The following STPG2 variants were observed in gnomAD, a reference collection of about 807,000 sequenced individuals.
The protein encoded by STPG2 is sperm tail PG-rich repeat containing 2.
STPG2 carries 56 observed loss-of-function variants against 54.2 expected under a neutral mutation model. The ratio of observed to expected loss-of-function variants is 1.03; its 90% CI spans 0.83 to 1.29. STPG2 has a LOEUF of 1.29. Among genes scored for constraint, STPG2 ranks in the 50% most tolerant of loss-of-function variants. STPG2 has a pLI of 0.00. For missense variants in STPG2, 596 were observed against 544.9 expected (o/e 1.09, Z -0.93); for synonymous variants, 200 against 181.8 (o/e 1.10, Z -0.81).
intron 5 of STPG2, among the ~76,000 whole-genome samples, chr4:98,032,174 A>G (rs1736619031): frequency 6.6e-6 from 1 of 152,200 alleles, no homozygotes; most frequent in African/African-American, 2.4e-5. Context: ...TTAAAGAACT[A>G]AAAGTAGTTC....
chr4:97,709,164 T>C (rs556896305), intron 10 of STPG2, among the ~76,000 whole-genome samples: 1 of 151,958 alleles, frequency 6.6e-6, no homozygotes, highest in African/African-American at 2.4e-5. Context: ...AATTAATTAG[T>C]ACTATCACAT....
chr4:97,449,198 T>A (rs1729304397), intron 4 of STPG2, among the ~76,000 whole-genome samples: 1 of 152,064 alleles, frequency 6.6e-6, no homozygotes, highest in African/African-American at 2.4e-5. Context: ...AAATTTCTTT[T>A]AAAAAAAGCA....
intron 8 of STPG2, among the ~76,000 whole-genome samples, chr4:97,859,616 C>G (rs1729450789): frequency 6.6e-6 from 1 of 152,032 alleles, no homozygotes; most frequent in Non-Finnish European, 1.5e-5. Context: ...AGGCACGTGC[C>G]ACCATGCCTA....
At chr4:98,058,953 C>A (rs1737561216) in intron 5 of STPG2, among the ~76,000 whole-genome samples, 2 of 141,472 alleles carry the variant, frequency 1.4e-5, no homozygotes, top group African/African-American at 2.6e-5. Context: ...AATGCAAGAT[C>A]AAATCAACCA....
Position 97,712,775 on chromosome 4 carries a change from G to C in STPG2, c.1244C>G (p.Pro415Arg). The change falls in exon 10 of 11, where the codon CCC (proline) becomes CGC (arginine). Residue 415 changes from proline (P) to arginine (R), a missense_variant. By Grantham distance (103) the Pro-to-Arg change is moderately radical. Coordinates refer to ENST00000295268, the MANE Select transcript of STPG2 (RefSeq NM_174952.3). The part of the protein sequence containing the change: ...AYNPVLRKSC[P>R]IPLFVKASKR... ...TGATGCTTTCACAAATAAGGGTATG[G>C]GGCAAGATTTCCTTAAAACAGGATT... The C allele has an allele frequency of 6.2e-7, 1 of 1,607,924 alleles. No individual in the cohort carries two copies. The highest frequency in any genetic ancestry group is 8.5e-7 in the Non-Finnish European group (1 of 1,176,308).
At chr4:97,758,739 A>G (rs1725804194) in intron 9 of STPG2, among the ~76,000 whole-genome samples, 1 of 152,140 alleles carries the variant, frequency 6.6e-6, no homozygotes, top group African/African-American at 2.4e-5. Flanking sequence ...ATGTAAACCT[A>G]TGTAAGAAAC....
At position 97,813,677 on chromosome 4, in the gene STPG2, T is replaced by TAAAAAAA. The variant is rs869298230; in HGVS notation, c.1204+27089_1204+27095dup. 1.2e-3 allele frequency among the ~76,000 whole-genome samples: 54 copies of TAAAAAAA among 45,940 alleles called. 1 individual carries two copies. The highest frequency in any genetic ancestry group is 1.8e-3 in the African/African-American group (23 of 12,700). The allele number at this position is 45,940 out of a possible 152,430, so 30.1% of individuals were successfully genotyped here. A position where few individuals can be genotyped will look rare whatever the true frequency, so the allele number is the denominator to read the frequency against. On this transcript the variant is annotated intron_variant, in intron 9 of 10. Transcript: ENST00000295268. ...GGCAGCATAGCAAGACCCTGTCTCT[T>TAAAAAAA]AAAAAAAAAAAAAAAAAAAAAAAAA... is the stretch of plus-strand genomic sequence containing the variant.
chr4:97,704,401 T>A (rs776414412), intron 10 of STPG2, among the ~76,000 whole-genome samples: 3 of 152,152 alleles, frequency 2.0e-5, no homozygotes, highest in Non-Finnish European at 4.4e-5. Context: ...GAGAAGCTCA[T>A]ACCTCTGACA....
At chr4:98,029,640 G>C (rs1240952954) in intron 5 of STPG2, among the ~76,000 whole-genome samples, 1 of 152,138 alleles carries the variant, frequency 6.6e-6, no homozygotes, top group Non-Finnish European at 1.5e-5. Context: ...ATCTGCAGAA[G>C]AGGACATAGA....
chr4:97,929,701 T>C (rs1231268982), intron 8 of STPG2, among the ~76,000 whole-genome samples: 4 of 152,218 alleles, frequency 2.6e-5, no homozygotes, highest in Non-Finnish European at 4.4e-5. Context: ...GTTCATGTCC[T>C]TTGCCCACTT....
In STPG2 at chr4:97,851,444, C is replaced by T. The variant is rs149040693; in HGVS notation, c.1045-10512G>A. ...CACTATGCCTTGAAAGTATTTTCAA[C>T]CCATACAATGCTTAAATTTACCTCA... is the stretch of plus-strand genomic sequence containing the variant. On this transcript the variant is annotated intron_variant, in intron 8 of 10. Coordinates refer to ENST00000295268, the MANE Select transcript of STPG2 (RefSeq NM_174952.3). Among the ~76,000 whole-genome samples the T allele has an allele frequency of 5.7e-3, 862 of 152,230 alleles. 5 individuals are homozygous for T. The highest frequency in any genetic ancestry group is 0.02 in the Middle Eastern group (6 of 294).
intron 10 of STPG2, among the ~76,000 whole-genome samples, chr4:97,663,232 T>C (rs1722425966): frequency 6.6e-6 from 1 of 152,182 alleles, no homozygotes; most frequent in Non-Finnish European, 1.5e-5. Context: ...AGGTCACTAT[T>C]ATCATAACTG....
intron 9 of STPG2, among the ~76,000 whole-genome samples, chr4:97,837,728 T>C (rs1297406972): frequency 6.6e-6 from 1 of 151,562 alleles, no homozygotes; most frequent in Non-Finnish European, 1.5e-5. Flanking sequence ...TTAAGTATAT[T>C]CCAAAAAACT....
intron 9 of STPG2, among the ~76,000 whole-genome samples, chr4:97,828,806 G>A (rs957554973): frequency 5.5e-4 from 84 of 152,220 alleles, no homozygotes; most frequent in African/African-American, 2.0e-3. Context: ...GCTAAGCAAG[G>A]CTGCTGTGGC....
chr4:98,111,008 T>C (rs1739332088), intron 3 of STPG2, among the ~76,000 whole-genome samples: 1 of 152,116 alleles, frequency 6.6e-6, no homozygotes, highest in South Asian at 2.1e-4. Flanking sequence ...AAGTAAGTGC[T>C]AGAAACTTCA....
chr4:98,137,423 T>C (rs1740164203), intron 1 of STPG2, among the ~76,000 whole-genome samples: 2 of 151,898 alleles, frequency 1.3e-5, no homozygotes, highest in African/African-American at 2.4e-5. Flanking sequence ...ATTTCTGTTT[T>C]CTTTTGCTTT....
chr4:97,739,383 T>C (rs1031161838), intron 9 of STPG2, among the ~76,000 whole-genome samples: 5 of 151,764 alleles, frequency 3.3e-5, no homozygotes, highest in African/African-American at 1.2e-4. Context: ...CTGAAGGAAA[T>C]AGAGACGCAA....
chr4:97,445,143 TA>T (rs1729189108), intron 4 of STPG2, among the ~76,000 whole-genome samples: 1 of 152,206 alleles, frequency 6.6e-6, no homozygotes, highest in Non-Finnish European at 1.5e-5. Flanking sequence ...GGTTTTAAAT[TA>T]AATAAAATCA....
chr4:97,541,866 G>A (rs576641269), intron 4 of STPG2, among the ~76,000 whole-genome samples: 62 of 152,236 alleles, frequency 4.1e-4, no homozygotes, highest in Non-Finnish European at 6.3e-4. Context: ...AACAAGAAAC[G>A]GGGAAAGGAT....
Sources: allele counts gnomAD v4.1 joint callset (sites outside exome capture counted in the v4.1 genomes callset), GRCh38; gene constraint gnomAD v4.1.1; transcripts MANE v1.5; gene names NCBI Gene and HGNC (gene_info 2026-07-23, HGNC 2026-07-21).